Variants in TUBGCP4 observed in about 807,000 individuals in gnomAD.
TUBGCP4 encodes gamma-tubulin complex component 4.
A neutral mutation model predicts 91.6 loss-of-function variants in TUBGCP4; 54 were observed. The observed-to-expected ratio is 0.59, with a 90% CI of 0.47 to 0.74. The LOEUF (loss-of-function observed/expected upper bound fraction) is 0.74, where lower values mean the gene tolerates loss of function less well. TUBGCP4 is among the 30% of genes least tolerant of loss of function. The pLI is 0.00. For synonymous variants in TUBGCP4, 297 were observed against 302.8 expected (o/e 0.98, Z 0.20); for missense variants, 593 against 800.9 (o/e 0.74, Z 3.13).
At chr15:43,404,834 C>T (rs2044806493) in intron 17 of TUBGCP4, 1 of 478,392 alleles carries the variant, frequency 2.1e-6, no homozygotes. Flanking sequence ...CTTCCACTCC[C>T]AATTCTGATA....
At chr15:43,379,975 T>C in intron 5 of TUBGCP4, 109 bp from the exon 6 acceptor site, 1 of 1,020,236 alleles carries the variant, frequency 9.8e-7, no homozygotes. Context: ...AGAAAGTTTA[T>C]CCCCAGTCTC....
chr15:43,382,184 C>T lies in TUBGCP4; in HGVS notation c.522-1119C>T, dbSNP rs531280902. Among the ~76,000 whole-genome samples, 51 of 151,226 alleles carry T rather than the reference C, an allele frequency of 3.4e-4. 1 individual carries two copies. The highest frequency in any genetic ancestry group is 1.1e-3 in the African/African-American group (46 of 41,052). On this transcript the variant is annotated intron_variant, in intron 6 of 17. Transcript: ENST00000564079. ...CCATGATCGTGCTACAGCACTCCAG[C>T]CTGGGCAACAGAGTGAGACCCTGTC...
intron 11 of TUBGCP4, 48 bp from the exon 12 acceptor site, chr15:43,397,166 T>A (rs1326041351): frequency 7.1e-7 from 1 of 1,409,320 alleles, no homozygotes. Context: ...AGTCTGGGTT[T>A]GTTATGTAGC....
At position 43,405,892 on chromosome 15, in the gene TUBGCP4, T is replaced by C. The variant is rs889251989; in HGVS notation, c.*678T>C. The C allele has an allele frequency of 6.6e-6, 1 of 151,880 alleles. No homozygotes were observed. Among genetic ancestry groups the C allele is most frequent in the African/African-American group, 2.4e-5 (1 of 41,336 alleles). 9.4% of individuals were successfully genotyped at this position (151,880 alleles called of 1,614,324 possible). A position where few individuals can be genotyped will look rare whatever the true frequency, so the allele number is the denominator to read the frequency against. ...TCGATTCTACTAAAAATACAAAAAT[T>C]AGCCAGGTGTGGTGGCATGTGCCTG... is the stretch of plus-strand genomic sequence containing the variant. On this transcript the variant is annotated 3_prime_UTR_variant, in exon 18 of 18. Transcript: ENST00000564079.
intron 6 of TUBGCP4, among the ~76,000 whole-genome samples, chr15:43,380,874 A>C (rs776463885): frequency 6.6e-6 from 1 of 152,070 alleles, no homozygotes; most frequent in Admixed American, 6.6e-5. Context: ...CCATTTATCC[A>C]TTTTCCTTAT....
At position 43,406,460 on chromosome 15, in the gene TUBGCP4, C is replaced by CAGTT. The variant is rs1389280236; in HGVS notation, c.*1247_*1250dup. On this transcript the variant is annotated 3_prime_UTR_variant, in exon 18 of 18. Coordinates refer to ENST00000564079, the MANE Select transcript of TUBGCP4 (RefSeq NM_014444.5). The stretch of plus-strand genomic sequence containing the variant: ...CTATGGCCTGCTGTCTGTTTTTGTA[C>CAGTT]AGTTTTACTGAAACACAGCCATGCC... 2.8e-6 allele frequency: 1 copy of CAGTT among 363,532 alleles called. No homozygotes were observed. Among genetic ancestry groups the CAGTT allele is most frequent in the African/African-American group, 2.1e-5 (1 of 47,000 alleles). 22.5% of individuals were successfully genotyped at this position (363,532 alleles called of 1,614,324 possible). A position where few individuals can be genotyped will look rare whatever the true frequency, so the allele number is the denominator to read the frequency against.
At position 43,380,176 on chromosome 15, in the gene TUBGCP4, T is replaced by G. The variant is rs558240319; in HGVS notation, c.521+13T>G. 6.2e-7 allele frequency: 1 copy of G among 1,611,776 alleles called. No homozygotes were observed. The highest frequency in any genetic ancestry group is 8.5e-7 in the Non-Finnish European group (1 of 1,178,002). Reference sequence around the variant, plus strand: ...GTGCACTGGAAAAGTAAGTCATGGCTTAACTGGGAATTGGTGGTGGAGGTG... The same window carrying G: ...GTGCACTGGAAAAGTAAGTCATGGCGTAACTGGGAATTGGTGGTGGAGGTG... On this transcript the variant is annotated intron_variant, in intron 6 of 17. Coordinates refer to ENST00000564079, the MANE Select transcript of TUBGCP4 (RefSeq NM_014444.5).
rs1462560666 is a variant in TUBGCP4, at chr15:43,371,337, T to G, written c.-18T>G. On this transcript the variant is annotated 5_prime_UTR_variant, in exon 1 of 18. Coordinates refer to ENST00000564079, the MANE Select transcript of TUBGCP4 (RefSeq NM_014444.5). The stretch of plus-strand genomic sequence containing the variant: ...AGGAGGGGGTGACATAACCAGGGAC[T>G]CGAGGTCCGCCGTGGGAATGATCCA... 1.2e-6 allele frequency: 2 copies of G among 1,612,392 alleles called. No individual in the cohort carries two copies. The highest frequency in any genetic ancestry group is 8.5e-7 in the Non-Finnish European group (1 of 1,179,458).
At chr15:43,376,828 A>G (rs1301683226) in intron 3 of TUBGCP4, among the ~76,000 whole-genome samples, 186 bp from the exon 4 acceptor site, 1 of 152,216 alleles carries the variant, frequency 6.6e-6, no homozygotes, top group Non-Finnish European at 1.5e-5. Context: ...TAGTGAGTTT[A>G]TAAGAGCCCT....
Position 43,408,909 on chromosome 15 carries a change from C to CTT in TUBGCP4, c.*3697_*3698dup. ...TTCAAATACTTACCAGTCCAGAATT[C>CTT]TTTGCTCCTCAAGGCTGTACCCAGC... is the stretch of plus-strand genomic sequence containing the variant. On this transcript the variant is annotated 3_prime_UTR_variant, in exon 18 of 18. Coordinates refer to ENST00000564079, the MANE Select transcript of TUBGCP4 (RefSeq NM_014444.5). 1 of 1,614,164 alleles carries CTT rather than the reference C, an allele frequency of 6.2e-7. No individual in the cohort carries two copies. Among genetic ancestry groups the CTT allele is most frequent in the Non-Finnish European group, 8.5e-7 (1 of 1,180,016 alleles).
At chr15:43,400,455 T>C (rs1172317040) in intron 14 of TUBGCP4, among the ~76,000 whole-genome samples, 1 of 152,172 alleles carries the variant, frequency 6.6e-6, no homozygotes, top group Admixed American at 6.5e-5. Flanking sequence ...TGGAATGCAG[T>C]GGTACAGTCA....
At chr15:43,402,575 CTATG>C (rs1382627262) in intron 15 of TUBGCP4, 1 of 152,242 alleles carries the variant, frequency 6.6e-6, no homozygotes, top group Non-Finnish European at 1.5e-5. Flanking sequence ...CTCTCTCGAT[CTATG>C]TATGTGTTTC....
intron 4 of TUBGCP4, 32 bp downstream of exon 4, chr15:43,377,099 A>G (rs761177303): frequency 1.6e-5 from 25 of 1,559,596 alleles, no homozygotes; most frequent in Non-Finnish European, 1.8e-5. Flanking sequence ...ATGCCTTGCA[A>G]TCTGTTGATA....
At chr15:43,384,092 A>G (rs1011151178) in intron 7 of TUBGCP4, among the ~76,000 whole-genome samples, 6 of 152,214 alleles carry the variant, frequency 3.9e-5, no homozygotes, top group Admixed American at 3.3e-4. Context: ...GATTACAGGC[A>G]TGAGCCACCG....
intron 15 of TUBGCP4, chr15:43,402,724 A>G (rs2142889028): frequency 6.6e-6 from 1 of 152,332 alleles, no homozygotes; most frequent in African/African-American, 2.4e-5. Flanking sequence ...GGACCCAGGT[A>G]CTAATTTTTT....
intron 15 of TUBGCP4, chr15:43,403,455 CAGGGCTAAG>C (rs1248619288): frequency 7.3e-5 from 30 of 412,744 alleles, no homozygotes; most frequent in Non-Finnish European, 1.1e-4. Flanking sequence ...AGGTTTGGTG[CAGGGCTAAG>C]AGAGTAATAC....
At chr15:43,375,047 C>T (rs531074312) in intron 1 of TUBGCP4, among the ~76,000 whole-genome samples, 107 of 152,296 alleles carry the variant, frequency 7.0e-4, no homozygotes, top group Non-Finnish European at 1.3e-3. Context: ...GCATTACAGG[C>T]GCCCACCACC....
intron 7 of TUBGCP4, among the ~76,000 whole-genome samples, chr15:43,385,093 A>G (rs1408798423): frequency 6.6e-6 from 1 of 152,100 alleles, no homozygotes; most frequent in East Asian, 1.9e-4. Flanking sequence ...GGGGAAGAAG[A>G]TGGGTCTAAT....
Position 43,408,548 on chromosome 15 carries a change from G to A in TUBGCP4, c.*3334G>A, listed in dbSNP as rs2045001840. 2 of 311,428 alleles carry A rather than the reference G, an allele frequency of 6.4e-6. No individual in the cohort carries two copies. Among genetic ancestry groups the A allele is most frequent in the Admixed American group, 4.5e-5 (1 of 22,308 alleles). 19.3% of individuals were successfully genotyped at this position (311,428 alleles called of 1,614,324 possible). ...TTTCTATGAATGATCTGTATTCCTT[G>A]CATTCCTGGCTTTCTAATTTCCATG... On this transcript the variant is annotated 3_prime_UTR_variant, in exon 18 of 18. Transcript: ENST00000564079.
Sources: gnomAD v4.1 joint callset for allele counts (sites outside exome capture counted in the v4.1 genomes callset) on GRCh38, gnomAD v4.1.1 for gene constraint, MANE v1.5 for transcripts, NCBI Gene and HGNC (gene_info 2026-07-23, HGNC 2026-07-21) for gene names.